Variants in NYAP2 observed in about 807,000 individuals in gnomAD.
NYAP2 encodes neuronal tyrosine-phosphorylated phosphoinositide-3-kinase adapter 2.
In NYAP2, 23 loss-of-function variants were observed where a neutral mutation model predicts 50.4. That is an observed-to-expected ratio of 0.46 (90% CI 0.33 to 0.65). The LOEUF is 0.65. Among genes scored for constraint, NYAP2 ranks in the 30% least tolerant of loss-of-function variants. NYAP2 has a pLI of 0.02. For synonymous variants in NYAP2, 394 were observed against 365.2 expected, an observed-to-expected ratio of 1.08 and a Z score of -0.90; for missense variants, 885 against 861.0, an observed-to-expected ratio of 1.03 and a Z score of -0.35.
the NYAP2 span, among the ~76,000 whole-genome samples, chr2:225,690,238 T>C: frequency 6.6e-6 from 1 of 152,166 alleles, no homozygotes; most frequent in Non-Finnish European, 1.5e-5. Context: ...AATTATTTTA[T>C]AACAGATACA....
intron 3 of NYAP2, among the ~76,000 whole-genome samples, chr2:225,485,296 C>T (rs1411975954): frequency 1.3e-5 from 2 of 152,202 alleles, no homozygotes; most frequent in African/African-American, 2.4e-5. Flanking sequence ...TCCCCAGCCA[C>T]ATGGAACTGT....
In NYAP2 at chr2:225,473,118, T is replaced by C. The variant is rs1690039316; in HGVS notation, c.222-40253T>C. On this transcript the variant is annotated intron_variant, in intron 3 of 6. Coordinates refer to ENST00000636099, the Ensembl canonical transcript of NYAP2. ...ATGATGGTTTCCAGCTTCATCCATG[T>C]CCCTACAAAGGACATGAACTCATCG... is the stretch of plus-strand genomic sequence containing the variant. Among the ~76,000 whole-genome samples the C allele has an allele frequency of 3.3e-5, 5 of 152,210 alleles. 1 individual carries two copies. In the South Asian group the frequency reaches 1.0e-3, roughly 32 times the overall value.
At chr2:225,508,626 G>C (rs1451463294) in intron 3 of NYAP2, among the ~76,000 whole-genome samples, 2 of 152,140 alleles carry the variant, frequency 1.3e-5, no homozygotes, top group African/African-American at 4.8e-5. Context: ...AGAGGGGGAG[G>C]AAAAGCAATT....
intron 3 of NYAP2, among the ~76,000 whole-genome samples, chr2:225,445,466 A>G (rs1442091486): frequency 2.0e-5 from 3 of 152,050 alleles, no homozygotes; most frequent in Non-Finnish European, 4.4e-5. Flanking sequence ...AGATCTTAGA[A>G]TTGTAGAATG....
intron 5 of NYAP2, among the ~76,000 whole-genome samples, chr2:225,609,341 A>G (rs1448499239): frequency 4.6e-5 from 7 of 152,164 alleles, no homozygotes; most frequent in Admixed American, 4.6e-4. Flanking sequence ...CTTTTGTAAG[A>G]GCATAAATAG....
At chr2:225,507,704 A>C (rs1466957406) in intron 3 of NYAP2, among the ~76,000 whole-genome samples, 1 of 150,220 alleles carries the variant, frequency 6.7e-6, no homozygotes, top group Admixed American at 6.7e-5. Flanking sequence ...ACTATCCTAT[A>C]AGCAAAATTC....
intron 4 of NYAP2, among the ~76,000 whole-genome samples, chr2:225,574,638 C>G (rs1692135746): frequency 6.6e-6 from 1 of 151,150 alleles, no homozygotes; most frequent in Non-Finnish European, 1.5e-5. Context: ...GCCAAGTATT[C>G]TTATAATTTT....
At chr2:225,534,724 T>C (rs2106199346) in intron 4 of NYAP2, among the ~76,000 whole-genome samples, 1 of 152,292 alleles carries the variant, frequency 6.6e-6, no homozygotes, top group South Asian at 2.1e-4. Flanking sequence ...AAAAGTTTAC[T>C]GTAAAGAATC....
intron 6 of NYAP2, among the ~76,000 whole-genome samples, chr2:225,648,306 G>T (rs1267144227): frequency 6.6e-6 from 1 of 151,994 alleles, no homozygotes; most frequent in Non-Finnish European, 1.5e-5. Context: ...GGCCCAAATA[G>T]TATATATTTT....
chr2:225,613,974 C>T (rs562968188), intron 5 of NYAP2, among the ~76,000 whole-genome samples: 2 of 152,094 alleles, frequency 1.3e-5, no homozygotes, highest in Non-Finnish European at 2.9e-5. Context: ...GCCTCATGAA[C>T]TGTTTTGTTT....
chr2:225,686,199 A>C, the NYAP2 span, among the ~76,000 whole-genome samples: 1 of 152,126 alleles, frequency 6.6e-6, no homozygotes, highest in African/African-American at 2.4e-5. Context: ...TGCTCTTTGC[A>C]TTTGCTCCTA....
rs73074521 is a variant in NYAP2, at chr2:225,639,739, G to A, written c.1829-11693G>A. On this transcript the variant is annotated intron_variant, in intron 6 of 6. Transcript: ENST00000636099. ...ATTACCAACCATTGAGTACATGCCA[G>A]TGAGGGAGAGAGCCATTACAGAAAT... Among the ~76,000 whole-genome samples, 1,220 of 152,278 alleles carry A rather than the reference G, an allele frequency of 8.0e-3. 29 individuals are homozygous for A. The highest frequency in any genetic ancestry group is 0.028 in the African/African-American group (1,174 of 41,552).
At chr2:225,672,278 T>A in the NYAP2 span, among the ~76,000 whole-genome samples, 1 of 152,290 alleles carries the variant, frequency 6.6e-6, no homozygotes, top group South Asian at 2.1e-4. Context: ...CTGGATAACT[T>A]ACTGCTTCAC....
At chr2:225,527,470 T>C (rs1691172568) in intron 4 of NYAP2, among the ~76,000 whole-genome samples, 1 of 152,226 alleles carries the variant, frequency 6.6e-6, no homozygotes, top group South Asian at 2.1e-4. Context: ...CAAGCTTACA[T>C]AGTTGTTGGC....
exon 7 of NYAP2, chr2:225,651,730 C>T: frequency 1.4e-6 from 1 of 738,892 alleles, no homozygotes; most frequent in Non-Finnish European, 2.2e-6. Flanking sequence ...ATCTTTCTTC[C>T]TTGTGATTGG....
chr2:225,578,236 A>C (rs1692202513), intron 4 of NYAP2, among the ~76,000 whole-genome samples: 3 of 151,950 alleles, frequency 2.0e-5, no homozygotes, highest in Admixed American at 6.6e-5. Context: ...CCCCACACTC[A>C]CACCTTCATT....
chr2:225,518,288 G>T (rs1393942883), intron 4 of NYAP2, among the ~76,000 whole-genome samples: 1 of 151,576 alleles, frequency 6.6e-6, no homozygotes, highest in South Asian at 2.1e-4. Flanking sequence ...GATCTTACAT[G>T]TAAAGTGTAA....
chr2:225,495,460 C>T (rs1460798886), intron 3 of NYAP2, among the ~76,000 whole-genome samples: 1 of 152,132 alleles, frequency 6.6e-6, no homozygotes, highest in Non-Finnish European at 1.5e-5. Flanking sequence ...AAAGGAGGTC[C>T]TCCCTATTTT....
At chr2:225,585,472 C>T (rs541498912) in intron 5 of NYAP2, among the ~76,000 whole-genome samples, 18 of 152,314 alleles carry the variant, frequency 1.2e-4, no homozygotes, top group South Asian at 6.2e-4. Flanking sequence ...CTTTCTCATC[C>T]GACTCCAAAA....
Sources: allele counts gnomAD v4.1 joint callset (sites outside exome capture counted in the v4.1 genomes callset), GRCh38; gene constraint gnomAD v4.1.1; transcripts MANE v1.5; gene names NCBI Gene and HGNC (gene_info 2026-07-23, HGNC 2026-07-21).